The following SORCS3 variants were observed in gnomAD, a reference collection of about 807,000 sequenced individuals.
SORCS3 encodes the protein sortilin related VPS10 domain containing receptor 3.
SORCS3 carries 57 observed loss-of-function variants against 146.3 expected under a neutral mutation model. The ratio of observed to expected loss-of-function variants is 0.39; its 90% confidence interval spans 0.31 to 0.49. The LOEUF is 0.49. SORCS3 is among the 20% of genes least tolerant of loss of function. SORCS3 has a pLI of 0.92. For synonymous variants in SORCS3, 653 were observed against 618.5 expected (o/e 1.06, Z -0.83); for missense variants, 1,341 against 1,575.5 (o/e 0.85, Z 2.52).
At chr10:104,770,294 A>G (rs1208438731) in intron 1 of SORCS3, among the ~76,000 whole-genome samples, 1 of 152,100 alleles carries the variant, frequency 6.6e-6, no homozygotes. Flanking sequence ...ATAGAGATGG[A>G]ATCTGTTTGC....
intron 14 of SORCS3, among the ~76,000 whole-genome samples, chr10:105,198,713 T>C (rs1298557450): frequency 2.0e-5 from 3 of 152,114 alleles, no homozygotes; most frequent in Non-Finnish European, 4.4e-5. Flanking sequence ...GAGTTTCTCC[T>C]ACCCCATGCT....
chr10:104,677,203 A>G (rs1457491067), intron 1 of SORCS3, among the ~76,000 whole-genome samples: 1 of 151,972 alleles, frequency 6.6e-6, no homozygotes, highest in Admixed American at 6.6e-5. Flanking sequence ...GTGGCTGTGG[A>G]CTCCATTTCA....
intron 19 of SORCS3, among the ~76,000 whole-genome samples, chr10:105,221,037 C>T (rs1249446159): frequency 6.6e-6 from 1 of 152,170 alleles, no homozygotes; most frequent in Non-Finnish European, 1.5e-5. Flanking sequence ...AGAAAGCATT[C>T]TCACACTGTA....
At chr10:104,822,236 T>G (rs1313332413) in intron 1 of SORCS3, 2 of 366,590 alleles carry the variant, frequency 5.5e-6, no homozygotes. Context: ...GGAGGGAGAT[T>G]GTTTAGACCA....
chr10:104,779,413 G>A (rs1331020334), intron 1 of SORCS3, among the ~76,000 whole-genome samples: 3 of 152,170 alleles, frequency 2.0e-5, no homozygotes, highest in African/African-American at 7.2e-5. Context: ...TGACTGATGA[G>A]AGGACACGTA....
intron 2 of SORCS3, among the ~76,000 whole-genome samples, chr10:104,894,039 C>A (rs935512190): frequency 1.3e-5 from 2 of 152,036 alleles, no homozygotes; most frequent in Admixed American, 6.6e-5. Context: ...TTTCACAGAC[C>A]TTTTGGGGGC....
intron 2 of SORCS3, among the ~76,000 whole-genome samples, chr10:104,863,793 T>G (rs1371536682): frequency 6.6e-6 from 1 of 152,204 alleles, no homozygotes; most frequent in Admixed American, 6.5e-5. Flanking sequence ...GTAGCATATC[T>G]TACATCACAG....
chr10:104,663,559 C>T (rs897185007), intron 1 of SORCS3, among the ~76,000 whole-genome samples: 1 of 152,184 alleles, frequency 6.6e-6, no homozygotes, highest in South Asian at 2.1e-4. Flanking sequence ...GTGGCTCCCT[C>T]GCTCCCCAGC....
At chr10:104,982,119 G>T (rs1259233815) in intron 4 of SORCS3, among the ~76,000 whole-genome samples, 3 of 152,158 alleles carry the variant, frequency 2.0e-5, no homozygotes, top group African/African-American at 7.2e-5. Flanking sequence ...AATAGTAGCT[G>T]ACGGATTGAC....
intron 4 of SORCS3, among the ~76,000 whole-genome samples, chr10:105,027,562 A>G (rs2055239229): frequency 6.6e-6 from 1 of 151,966 alleles, no homozygotes; most frequent in East Asian, 1.9e-4. Flanking sequence ...TAAAATCTAT[A>G]CTCACCATGT....
At chr10:105,135,978 G>A (rs895968856) in intron 7 of SORCS3, among the ~76,000 whole-genome samples, 6 of 152,052 alleles carry the variant, frequency 3.9e-5, no homozygotes, top group Non-Finnish European at 5.9e-5. Context: ...CCCTTAATGC[G>A]CTGTTTAATG....
At chr10:105,047,155 C>T (rs192227739) in intron 5 of SORCS3, among the ~76,000 whole-genome samples, 3 of 151,740 alleles carry the variant, frequency 2.0e-5, no homozygotes, top group Admixed American at 6.6e-5. Flanking sequence ...TTTTCCTTTG[C>T]ACATCCAATG....
chr10:105,092,563 C>T (rs867861477), intron 6 of SORCS3, among the ~76,000 whole-genome samples: 1 of 151,386 alleles, frequency 6.6e-6, no homozygotes, highest in South Asian at 2.1e-4. Context: ...AATGCCTTTC[C>T]TTTGTGGTAT....
At chr10:105,045,909 G>A (rs2133706602) in intron 5 of SORCS3, among the ~76,000 whole-genome samples, 1 of 152,264 alleles carries the variant, frequency 6.6e-6, no homozygotes, top group Non-Finnish European at 1.5e-5. Flanking sequence ...TGAATCTCGT[G>A]TACGGTAAGG....
At chr10:104,969,467 C>T (rs963038897) in intron 3 of SORCS3, among the ~76,000 whole-genome samples, 1 of 152,056 alleles carries the variant, frequency 6.6e-6, no homozygotes, top group Admixed American at 6.6e-5. Flanking sequence ...ACCTATATCA[C>T]ATGATTTGTA....
chr10:105,107,313 A>G (rs1467460018), intron 7 of SORCS3, among the ~76,000 whole-genome samples: 2 of 134,352 alleles, frequency 1.5e-5, no homozygotes, highest in African/African-American at 5.5e-5. Flanking sequence ...TTCTATTTAG[A>G]TTTTTTTTTT....
intron 7 of SORCS3, among the ~76,000 whole-genome samples, chr10:105,118,352 C>T (rs2133763030): frequency 6.6e-6 from 1 of 152,266 alleles, no homozygotes; most frequent in Admixed American, 6.5e-5. Flanking sequence ...TTCCTGAGGC[C>T]TTCCCAGCCC....
chr10:104,708,474 A>G (rs1193896235), intron 1 of SORCS3, among the ~76,000 whole-genome samples: 1 of 152,198 alleles, frequency 6.6e-6, no homozygotes, highest in Admixed American at 6.5e-5. Context: ...TCATCATACA[A>G]TGAGAGATGT....
intron 5 of SORCS3, among the ~76,000 whole-genome samples, chr10:105,074,404 T>C (rs1438601130): frequency 6.6e-6 from 1 of 152,188 alleles, no homozygotes; most frequent in Non-Finnish European, 1.5e-5. Flanking sequence ...AGTGCCAGTT[T>C]CGTGCTAGGA....
Sources: gnomAD v4.1 joint callset for allele counts (sites outside exome capture counted in the v4.1 genomes callset) on GRCh38, gnomAD v4.1.1 for gene constraint, MANE v1.5 for transcripts, NCBI Gene and HGNC (gene_info 2026-07-23, HGNC 2026-07-21) for gene names.